The following TTC7B variants were observed in gnomAD, a reference collection of about 807,000 sequenced individuals.
TTC7B encodes the protein tetratricopeptide repeat protein 7B.
TTC7B carries 28 observed loss-of-function variants against 106.8 expected under a neutral mutation model. The ratio of observed to expected loss-of-function variants is 0.26; its 90% CI spans 0.19 to 0.36. The LOEUF (loss-of-function observed/expected upper bound fraction) is 0.36, where lower values mean the gene tolerates loss of function less well. TTC7B is among the 10% of genes least tolerant of loss of function. The pLI, the probability that TTC7B is intolerant of heterozygous loss-of-function variation, is 1.00. For missense variants in TTC7B, 862 were observed against 1,076.4 expected, an observed-to-expected ratio of 0.80 and a Z score of 2.79; for synonymous variants, 405 against 430.6, an observed-to-expected ratio of 0.94 and a Z score of 0.74.
intron 18 of TTC7B, among the ~76,000 whole-genome samples, chr14:90,590,711 T>C (rs1374997984): frequency 6.6e-6 from 1 of 152,228 alleles, no homozygotes; most frequent in African/African-American, 2.4e-5. Context: ...GGAAACTGTC[T>C]TCTAAATTTT....
rs1363618911 is a variant in TTC7B at position 90,676,619 on chromosome 14, C to G, written c.1056G>C (p.Lys352Asn). ...DAVLSRIPEH[K>N]SDRLISLQSA... ...TCTGCAGACTGATGAGGCGGTCACT[C>G]TTGTGTTCAGGTATCCTGCTCAGCA... is the stretch of plus-strand genomic sequence containing the variant. Residue 352 changes from lysine to asparagine, a missense_variant, in exon 9 of 20, where the codon AAG (lysine) becomes AAC (asparagine). By Grantham distance (94) the Lys-to-Asn change is moderately conservative. Transcript: ENST00000328459. The G allele has an allele frequency of 6.2e-7, 1 of 1,614,154 alleles. No homozygotes were observed. The highest frequency in any genetic ancestry group is 8.5e-7 in the Non-Finnish European group (1 of 1,180,014).
chr14:90,761,708 A>G (rs1406247011), intron 3 of TTC7B, among the ~76,000 whole-genome samples: 2 of 152,228 alleles, frequency 1.3e-5, no homozygotes, highest in African/African-American at 4.8e-5. Context: ...GTTTGACAAC[A>G]TCATTACCTG....
intron 8 of TTC7B, chr14:90,677,751 T>C (rs1886897377): frequency 9.0e-6 from 4 of 445,958 alleles, no homozygotes; most frequent in South Asian, 3.2e-5. Context: ...CTCTCACTAA[T>C]GAGACAAAAT....
chr14:90,553,419 G>C (rs1890170905), intron 19 of TTC7B, among the ~76,000 whole-genome samples: 1 of 152,186 alleles, frequency 6.6e-6, no homozygotes, highest in South Asian at 2.1e-4. Context: ...CAGGGTTTGG[G>C]GGATGCCTGG....
intron 3 of TTC7B, among the ~76,000 whole-genome samples, chr14:90,758,318 CAGG>C (rs1890376219): frequency 1.4e-5 from 2 of 139,540 alleles, no homozygotes; most frequent in South Asian, 4.6e-4. Flanking sequence ...GCACTGGCTC[CAGG>C]ACGGCGGGGC....
chr14:90,754,756 G>A (rs1009023303), intron 3 of TTC7B, among the ~76,000 whole-genome samples: 4 of 152,012 alleles, frequency 2.6e-5, no homozygotes, highest in African/African-American at 4.8e-5. Context: ...CCCAGCCCCC[G>A]GGAACCGCCA....
Position 90,578,266 on chromosome 14 carries a change from G to A in TTC7B, c.2150C>T (p.Ala717Val). The change falls in exon 19 of 20, where the codon GCC becomes GTC. Residue 717 changes from alanine to valine, a missense_variant. By Grantham distance (64) the Ala-to-Val change is moderately conservative. Coordinates refer to ENST00000328459, the MANE Select transcript of TTC7B (RefSeq NM_001010854.2). This position sits in a 1 kb window ranked among gnomAD's most constrained non-coding sequence, Gnocchi z 4.7. ...GAGGTTGGCAGCTTCTTGGGTACAGGCTGTGGCTTCTGCAGGCTTCCCGAT... is the reference window on the plus strand; with the variant it reads ...GAGGTTGGCAGCTTCTTGGGTACAGACTGTGGCTTCTGCAGGCTTCCCGAT... ...IGIGKPAEAT[A>V]CTQEAANLFP... 6.2e-7 allele frequency: 1 copy of A among 1,614,226 alleles called. No homozygotes were observed. Among genetic ancestry groups the A allele is most frequent in the African/African-American group, 1.3e-5 (1 of 75,066 alleles).
At chr14:90,760,430 G>A (rs970570898) in intron 3 of TTC7B, among the ~76,000 whole-genome samples, 12 of 152,138 alleles carry the variant, frequency 7.9e-5, no homozygotes, top group Non-Finnish European at 1.5e-4. Flanking sequence ...TAAGGGAGAG[G>A]ATGACTCTTT....
At chr14:90,649,042 G>T (rs749832827) in intron 13 of TTC7B, 1 of 152,152 alleles carries the variant, frequency 6.6e-6, no homozygotes, top group Non-Finnish European at 1.5e-5. Context: ...CTGGCTAAAG[G>T]CCCCATGCTG....
At chr14:90,609,773 TTA>T (rs1185275956) in intron 17 of TTC7B, among the ~76,000 whole-genome samples, 2 of 152,250 alleles carry the variant, frequency 1.3e-5, no homozygotes, top group Non-Finnish European at 2.9e-5. Flanking sequence ...AAGAGCAAAT[TTA>T]TATGTTTTGT....
chr14:90,549,341 C>T (rs1889975809), intron 19 of TTC7B, among the ~76,000 whole-genome samples: 1 of 152,242 alleles, frequency 6.6e-6, no homozygotes, highest in African/African-American at 2.4e-5. Flanking sequence ...CTGAGTCAAA[C>T]GGGCACCACC....
At chr14:90,745,863 C>A (rs937779922) in intron 3 of TTC7B, among the ~76,000 whole-genome samples, 3 of 151,918 alleles carry the variant, frequency 2.0e-5, no homozygotes, top group Non-Finnish European at 4.4e-5. Flanking sequence ...TTCCACCACA[C>A]CTGGCCAATT....
At chr14:90,660,395 CAAAAAAAAAAA>C (rs57030874) in intron 9 of TTC7B, among the ~76,000 whole-genome samples, 2 of 40,892 alleles carry the variant, frequency 4.9e-5, no homozygotes, top group East Asian at 1.1e-3. Context: ...CACCCTGTCT[CAAAAAAAAAAA>C]AAAAAAAAAA....
At chr14:90,736,570 T>C (rs967551661) in intron 4 of TTC7B, among the ~76,000 whole-genome samples, 2 of 150,568 alleles carry the variant, frequency 1.3e-5, no homozygotes, top group African/African-American at 4.9e-5. Flanking sequence ...AGACTCCGTC[T>C]CAGAAAAAAA....
intron 19 of TTC7B, among the ~76,000 whole-genome samples, chr14:90,566,075 G>A (rs116690852): frequency 6.6e-6 from 1 of 152,178 alleles, no homozygotes; most frequent in Non-Finnish European, 1.5e-5. Context: ...TGATAGACCA[G>A]GCACGGTGGC....
chr14:90,717,266 G>A (rs565984833), intron 5 of TTC7B, among the ~76,000 whole-genome samples: 1 of 151,776 alleles, frequency 6.6e-6, no homozygotes, highest in Admixed American at 6.6e-5. Context: ...GTGAACCCGG[G>A]AGGCGGAGCT....
At chr14:90,724,855 C>T (rs1197087270) in intron 5 of TTC7B, among the ~76,000 whole-genome samples, 7 of 152,166 alleles carry the variant, frequency 4.6e-5, no homozygotes, top group East Asian at 3.8e-4. Context: ...TGACCCTACT[C>T]GAATGCATGA....
chr14:90,662,395 GA>G (rs900859589), intron 9 of TTC7B, among the ~76,000 whole-genome samples: 3 of 152,310 alleles, frequency 2.0e-5, no homozygotes, highest in Admixed American at 6.5e-5. Flanking sequence ...AGTGCAGATG[GA>G]TAAGTTACTT....
rs774286026 is a variant in TTC7B, at chr14:90,730,077, A to G, written c.696T>C (p.Asn232=). ...TTAAAAAAATGAAGATGGCTTACCC[A>G]TTTTTGAAATAGAGGACATGGGCTC... ...LQRAHVLYFK[N]GNLTRGVGRF... is the part of the protein sequence containing the mutation. Residue 232 remains asparagine (N), a splice_region_variant and synonymous_variant, in exon 5 of 20, where the codon AAT becomes AAC. Transcript: ENST00000328459. 4.4e-6 allele frequency: 7 copies of G among 1,599,958 alleles called. No homozygotes were observed. In the Admixed American group the frequency reaches 1.3e-4, roughly 29 times the overall value.
Sources: gnomAD v4.1 joint callset for allele counts (sites outside exome capture counted in the v4.1 genomes callset) on GRCh38, gnomAD v4.1.1 for gene constraint, Gnocchi (gnomAD v3.1) non-coding constraint, MANE v1.5 for transcripts, NCBI Gene and HGNC (gene_info 2026-07-23, HGNC 2026-07-21) for gene names.